The following KCND2 variants were observed in gnomAD, a reference collection of about 807,000 sequenced individuals.
KCND2 encodes potassium voltage-gated channel subfamily D member 2.
In KCND2, 16 loss-of-function variants were observed where a neutral mutation model predicts 54.4. The ratio of observed to expected loss-of-function variants is 0.29; its 90% CI spans 0.20 to 0.45. The LOEUF (loss-of-function observed/expected upper bound fraction) is 0.45, where lower values mean the gene tolerates loss of function less well. Ranked by LOEUF, KCND2 falls within the 20% of genes least tolerant of loss-of-function variation. The pLI is 1.00. For synonymous variants in KCND2, 317 were observed against 310.7 expected, an observed-to-expected ratio of 1.02 and a Z score of -0.21; for missense variants, 486 against 824.2, an observed-to-expected ratio of 0.59 and a Z score of 5.02.
chr7:120,700,105 T>C (rs903748032), intron 1 of KCND2, among the ~76,000 whole-genome samples: 13 of 151,996 alleles, frequency 8.6e-5, no homozygotes, highest in Non-Finnish European at 1.0e-4. Context: ...CATAGATTGG[T>C]CAAGAAAAAA....
chr7:120,461,197 G>C (rs1279189543), intron 1 of KCND2, among the ~76,000 whole-genome samples: 1 of 152,044 alleles, frequency 6.6e-6, no homozygotes, highest in Non-Finnish European at 1.5e-5. Context: ...TTGCAGCTCA[G>C]CTCCTACAAT....
At chr7:120,682,481 G>A (rs568759445) in intron 1 of KCND2, among the ~76,000 whole-genome samples, 1 of 152,012 alleles carries the variant, frequency 6.6e-6, no homozygotes, top group Non-Finnish European at 1.5e-5. Flanking sequence ...CTTTCTATAA[G>A]ACAAAAATAC....
chr7:120,712,234 T>G (rs1201227735), intron 1 of KCND2, among the ~76,000 whole-genome samples: 1 of 141,782 alleles, frequency 7.1e-6, no homozygotes, highest in African/African-American at 2.6e-5. Flanking sequence ...GAATTTTGGA[T>G]ATCTGAATTT....
intron 1 of KCND2, among the ~76,000 whole-genome samples, chr7:120,402,930 C>T (rs1413039650): frequency 1.3e-5 from 2 of 151,956 alleles, no homozygotes; most frequent in African/African-American, 4.8e-5. Context: ...TCCTTTAAGC[C>T]AAGAATGTAT....
At chr7:120,435,741 A>G (rs1251040719) in intron 1 of KCND2, among the ~76,000 whole-genome samples, 3 of 152,022 alleles carry the variant, frequency 2.0e-5, no homozygotes, top group Non-Finnish European at 4.4e-5. Flanking sequence ...GGATATATAT[A>G]TATATATAGC....
chr7:120,437,919 T>C (rs1801893963), intron 1 of KCND2, among the ~76,000 whole-genome samples: 1 of 152,214 alleles, frequency 6.6e-6, no homozygotes, highest in Non-Finnish European at 1.5e-5. Flanking sequence ...TCTTGGATGA[T>C]GCTCCCTAAA....
chr7:120,363,955 T>C (rs1471684332), intron 1 of KCND2, among the ~76,000 whole-genome samples: 1 of 152,106 alleles, frequency 6.6e-6, no homozygotes, highest in Admixed American at 6.6e-5. Context: ...TAGAACACTT[T>C]TGCCCAGATA....
chr7:120,679,215 CT>C (rs1190708886), intron 1 of KCND2, among the ~76,000 whole-genome samples: 1 of 151,606 alleles, frequency 6.6e-6, no homozygotes, highest in Non-Finnish European at 1.5e-5. Flanking sequence ...TCATCATAAT[CT>C]TTTTTTTATA....
intron 1 of KCND2, among the ~76,000 whole-genome samples, chr7:120,518,483 T>G (rs976944587): frequency 2.0e-5 from 3 of 152,186 alleles, no homozygotes; most frequent in Admixed American, 6.6e-5. Context: ...ATTATGATGA[T>G]TCTTCATTTG....
intron 1 of KCND2, among the ~76,000 whole-genome samples, chr7:120,730,898 C>A (rs1345548064): frequency 6.6e-6 from 1 of 152,208 alleles, no homozygotes; most frequent in East Asian, 1.9e-4. Context: ...ACAATATAAC[C>A]CCAAGTCCTC....
intron 1 of KCND2, among the ~76,000 whole-genome samples, chr7:120,645,754 A>T (rs569075482): frequency 2.4e-4 from 37 of 152,312 alleles, no homozygotes; most frequent in African/African-American, 8.9e-4. Context: ...TCTGTGCCCA[A>T]TGGCTGGCCA....
intron 1 of KCND2, among the ~76,000 whole-genome samples, chr7:120,499,287 G>T (rs1562856172): frequency 6.6e-6 from 1 of 151,936 alleles, no homozygotes; most frequent in East Asian, 1.9e-4. Flanking sequence ...TATATTTGTG[G>T]TTTTTTATTG....
intron 1 of KCND2, among the ~76,000 whole-genome samples, chr7:120,623,397 T>C (rs1793127516): frequency 6.6e-6 from 1 of 152,224 alleles, no homozygotes; most frequent in Admixed American, 6.5e-5. Flanking sequence ...TTCAGTCTGC[T>C]GTGATTATTA....
chr7:120,428,335 A>G (rs1801742334), intron 1 of KCND2, among the ~76,000 whole-genome samples: 1 of 152,216 alleles, frequency 6.6e-6, no homozygotes, highest in South Asian at 2.1e-4. Context: ...AAATGCTATA[A>G]TGAAACAGGT....
At chr7:120,496,293 C>G (rs1348222990) in intron 1 of KCND2, among the ~76,000 whole-genome samples, 1 of 152,108 alleles carries the variant, frequency 6.6e-6, no homozygotes, top group South Asian at 2.1e-4. Context: ...TTGTGTCTTC[C>G]TTGGTTCTGG....
chr7:120,417,620 T>C (rs1563039686), intron 1 of KCND2, among the ~76,000 whole-genome samples: 1 of 152,192 alleles, frequency 6.6e-6, no homozygotes, highest in Non-Finnish European at 1.5e-5. Context: ...CAAGTATAAA[T>C]TTTTTGGAAT....
intron 1 of KCND2, among the ~76,000 whole-genome samples, chr7:120,549,359 G>A (rs1160246169): frequency 1.3e-5 from 2 of 152,102 alleles, no homozygotes; most frequent in Non-Finnish European, 2.9e-5. Flanking sequence ...TGAGGACATA[G>A]ATGAAAGATG....
At chr7:120,526,614 A>T (rs764920059) in intron 1 of KCND2, among the ~76,000 whole-genome samples, 2 of 152,138 alleles carry the variant, frequency 1.3e-5, no homozygotes, top group Admixed American at 6.6e-5. Context: ...TTAACATATT[A>T]TGTTGCCAAT....
At chr7:120,670,787 G>T (rs577609767) in intron 1 of KCND2, among the ~76,000 whole-genome samples, 1 of 151,834 alleles carries the variant, frequency 6.6e-6, no homozygotes, top group Non-Finnish European at 1.5e-5. Flanking sequence ...GTGGTGGCGG[G>T]TGCCTGTAGT....
Sources: gnomAD v4.1 joint callset for allele counts (sites outside exome capture counted in the v4.1 genomes callset) on GRCh38, gnomAD v4.1.1 for gene constraint, MANE v1.5 for transcripts, NCBI Gene and HGNC (gene_info 2026-07-23, HGNC 2026-07-21) for gene names.